The following RSPO2 variants were observed in gnomAD, a reference collection of about 807,000 sequenced individuals.
The protein encoded by RSPO2 is R-spondin-2.
A neutral mutation model predicts 30.9 loss-of-function variants in RSPO2; 14 were observed. The observed-to-expected ratio is 0.45, with a 90% confidence interval of 0.30 to 0.71. The LOEUF is 0.71. Among genes scored for constraint, RSPO2 ranks in the 30% least tolerant of loss-of-function variants. RSPO2 has a pLI of 0.08. For missense variants in RSPO2, 264 were observed against 301.9 expected (o/e 0.87, Z 0.93); for synonymous variants, 107 against 96.4 (o/e 1.11, Z -0.64).
At chr8:107,934,747 T>A (rs1812660541) in intron 5 of RSPO2, among the ~76,000 whole-genome samples, 1 of 152,114 alleles carries the variant, frequency 6.6e-6, no homozygotes, top group African/African-American at 2.4e-5. Flanking sequence ...TTATGAAGAT[T>A]TCATGGACAT....
chr8:107,935,513 T>A (rs541514691), intron 5 of RSPO2, among the ~76,000 whole-genome samples: 1 of 151,980 alleles, frequency 6.6e-6, no homozygotes, highest in Admixed American at 6.6e-5. Flanking sequence ...GTGGGGACAG[T>A]AAATCAAGCA....
At chr8:107,905,781 T>TC (rs1811620509) in intron 5 of RSPO2, among the ~76,000 whole-genome samples, 1 of 151,158 alleles carries the variant, frequency 6.6e-6, no homozygotes, top group Admixed American at 6.6e-5. Flanking sequence ...TACCATTTTT[T>TC]TTTTCCCATA....
chr8:107,948,518 T>C (rs576477478), intron 5 of RSPO2, among the ~76,000 whole-genome samples: 1 of 152,138 alleles, frequency 6.6e-6, no homozygotes, highest in Non-Finnish European at 1.5e-5. Context: ...AACAAAAAAT[T>C]GCAAAAGGTT....
intron 5 of RSPO2, among the ~76,000 whole-genome samples, chr8:107,925,198 G>A (rs1024652069): frequency 1.3e-4 from 19 of 151,810 alleles, no homozygotes; most frequent in Non-Finnish European, 2.6e-4. Flanking sequence ...ATTGGGAACA[G>A]TGTACACCGC....
intron 2 of RSPO2, among the ~76,000 whole-genome samples, chr8:108,001,857 G>A (rs574054073): frequency 1.1e-4 from 16 of 152,176 alleles, no homozygotes; most frequent in African/African-American, 2.2e-4. Context: ...CACAGAGAGG[G>A]GAACATCACA....
At chr8:107,983,759 G>A in intron 3 of RSPO2, 1 of 1,597,308 alleles carries the variant, frequency 6.3e-7, no homozygotes, top group South Asian at 1.1e-5. Flanking sequence ...AAAAGGAGCT[G>A]GATGTAGATG....
intron 5 of RSPO2, among the ~76,000 whole-genome samples, chr8:107,919,874 G>T (rs761887020): frequency 3.9e-4 from 59 of 152,074 alleles, no homozygotes; most frequent in Non-Finnish European, 5.6e-4. Flanking sequence ...AATAAGAGTT[G>T]CAAAATTGCT....
intron 3 of RSPO2, chr8:107,983,213 G>T: frequency 1.3e-6 from 2 of 1,575,982 alleles, no homozygotes; most frequent in Non-Finnish European, 1.7e-6. Flanking sequence ...GCTATTTCTT[G>T]TCACAAAAAG....
intron 5 of RSPO2, among the ~76,000 whole-genome samples, chr8:107,939,263 CTT>C (rs1228229035): frequency 1.3e-5 from 2 of 152,006 alleles, no homozygotes; most frequent in Admixed American, 1.3e-4. Flanking sequence ...ACCTCCCACA[CTT>C]TCCCCATGTG....
At chr8:108,050,515 G>A (rs1812046393) in intron 2 of RSPO2, among the ~76,000 whole-genome samples, 2 of 152,130 alleles carry the variant, frequency 1.3e-5, no homozygotes, top group Middle Eastern at 6.8e-3. Context: ...CCATAAGTAT[G>A]TAGATTTTTA....
chr8:107,922,989 C>T (rs1026494675), intron 5 of RSPO2, among the ~76,000 whole-genome samples: 2 of 152,080 alleles, frequency 1.3e-5, no homozygotes, highest in African/African-American at 4.8e-5. Flanking sequence ...TGGAAGACAA[C>T]CTGGGCAATA....
intron 5 of RSPO2, among the ~76,000 whole-genome samples, chr8:107,914,555 C>G (rs1391006465): frequency 6.6e-6 from 1 of 151,798 alleles, no homozygotes; most frequent in Non-Finnish European, 1.5e-5. Context: ...AGAATTGCAA[C>G]TACAAAGCTA....
At chr8:107,959,388 G>A (rs1270224116) in intron 4 of RSPO2, among the ~76,000 whole-genome samples, 3 of 152,130 alleles carry the variant, frequency 2.0e-5, no homozygotes, top group Non-Finnish European at 4.4e-5. Context: ...CAACTCCCAG[G>A]GGAGGGAGAG....
intron 2 of RSPO2, among the ~76,000 whole-genome samples, chr8:107,997,936 G>A (rs1295284575): frequency 6.6e-6 from 1 of 152,114 alleles, no homozygotes; most frequent in South Asian, 2.1e-4. Context: ...GTTAGCCCTT[G>A]CCAAGCAAGA....
chr8:107,973,843 A>ACC (rs1184578708), intron 3 of RSPO2, among the ~76,000 whole-genome samples: 2 of 152,000 alleles, frequency 1.3e-5, no homozygotes, highest in African/African-American at 4.8e-5. Flanking sequence ...AGTCCTCAAA[A>ACC]CCCTCTTTGG....
At chr8:108,056,767 A>C (rs1380048816) in intron 2 of RSPO2, among the ~76,000 whole-genome samples, 1 of 151,690 alleles carries the variant, frequency 6.6e-6, no homozygotes, top group African/African-American at 2.4e-5. Flanking sequence ...AAGATAAAAA[A>C]GATGTGGGCC....
intron 3 of RSPO2, among the ~76,000 whole-genome samples, chr8:107,961,077 T>C (rs2130442066): frequency 6.6e-6 from 1 of 152,276 alleles, no homozygotes; most frequent in Admixed American, 6.5e-5. Context: ...GACATGTTGG[T>C]AATCTCCAGA....
chr8:107,907,209 G>T (rs1028076509), intron 5 of RSPO2, among the ~76,000 whole-genome samples: 28 of 152,034 alleles, frequency 1.8e-4, no homozygotes, highest in African/African-American at 6.5e-4. Context: ...AAGAGTAAAG[G>T]AAATGAATCA....
intron 2 of RSPO2, among the ~76,000 whole-genome samples, chr8:108,049,288 C>T (rs1413230344): frequency 6.6e-6 from 1 of 151,800 alleles, no homozygotes; most frequent in East Asian, 1.9e-4. Flanking sequence ...CCCAACCACA[C>T]GATATATTCA....
Sources: allele counts gnomAD v4.1 joint callset (sites outside exome capture counted in the v4.1 genomes callset), GRCh38; gene constraint gnomAD v4.1.1; transcripts MANE v1.5; gene names NCBI Gene and HGNC (gene_info 2026-07-23, HGNC 2026-07-21).